The following TRIM34 variants were observed in gnomAD, a reference collection of about 807,000 sequenced individuals.
The protein encoded by TRIM34 is tripartite motif containing 34.
In TRIM34, 41 loss-of-function variants were observed where a neutral mutation model predicts 38.1. That is an observed-to-expected ratio of 1.08 (90% CI 0.84 to 1.40). The LOEUF (loss-of-function observed/expected upper bound fraction) is 1.40. Among genes scored for constraint, TRIM34 ranks in the 40% most tolerant of loss-of-function variants. TRIM34 has a pLI of 0.00. For synonymous variants in TRIM34, 200 were observed against 202.5 expected, an observed-to-expected ratio of 0.99 and a Z score of 0.10; for missense variants, 556 against 571.4, an observed-to-expected ratio of 0.97 and a Z score of 0.27.
chr11:5,631,752 C>A (rs567899991), intron 1 of TRIM34, among the ~76,000 whole-genome samples: 1 of 152,150 alleles, frequency 6.6e-6, no homozygotes, highest in African/African-American at 2.4e-5. Context: ...TGTGGAGAGA[C>A]AGGGAAGTTT....
Position 5,644,251 on chromosome 11 carries a change from C to A in TRIM34, c.*542C>A. The A allele has an allele frequency of 2.5e-6, 1 of 398,822 alleles. No individual in the cohort carries two copies. The highest frequency in any genetic ancestry group is 3.6e-5 in the East Asian group (1 of 28,074). The allele number at this position is 398,822 out of a possible 1,614,324, so 24.7% of individuals were successfully genotyped here. On this transcript the variant is annotated 3_prime_UTR_variant, in exon 8 of 8. Coordinates refer to ENST00000429814, the MANE Select transcript of TRIM34 (RefSeq NM_021616.6). The stretch of plus-strand genomic sequence containing the variant: ...GTTTTCTAATCATGATGAATACTTT[C>A]TCAGTTTCTTTTTCCTGAAATATAA...
chr11:5,622,718 AG>A (rs1849037163), upstream of TRIM34, among the ~76,000 whole-genome samples: 1 of 152,254 alleles, frequency 6.6e-6, no homozygotes, highest in Non-Finnish European at 1.5e-5. Context: ...TGATGGGCTA[AG>A]GTAATATACA....
At chr11:5,623,456 C>T (rs924572488), upstream of TRIM34, among the ~76,000 whole-genome samples, 4 of 151,894 alleles carry the variant, frequency 2.6e-5, no homozygotes, top group African/African-American at 9.7e-5. Flanking sequence ...CAACCTCCGC[C>T]TCCCGGGTTC....
upstream of TRIM34, among the ~76,000 whole-genome samples, chr11:5,623,091 A>C (rs919588189): frequency 7.2e-6 from 1 of 138,496 alleles, no homozygotes; most frequent in Non-Finnish European, 1.5e-5. Context: ...GGTGACTTTG[A>C]GTTCTGTCTG....
intron 1 of TRIM34, among the ~76,000 whole-genome samples, chr11:5,630,543 G>A (rs1014615981): frequency 3.9e-5 from 6 of 152,110 alleles, no homozygotes; most frequent in South Asian, 2.1e-4. Context: ...AAAAACTTTC[G>A]AACATGTTAT....
At position 5,632,727 on chromosome 11, in the gene TRIM34, C is replaced by T. The variant is rs370175152; in HGVS notation, c.396C>T (p.Leu132=). Residue 132 remains leucine, a synonymous_variant, in exon 2 of 8, where the codon CTC becomes CTT. Coordinates refer to ENST00000429814, the MANE Select transcript of TRIM34 (RefSeq NM_021616.6). ...AGCACCGTGGTCACCACACAGTCCT[C>T]ACGGAGGAAGTATTCAAGGAATGTC... ...SQEHRGHHTV[L]TEEVFKECQE... The T allele has an allele frequency of 5.6e-6, 9 of 1,607,594 alleles. No homozygotes were observed. The highest frequency in any genetic ancestry group is 2.2e-5 in the East Asian group (1 of 44,730).
At chr11:5,635,367 T>G (rs1318326378) in intron 4 of TRIM34, among the ~76,000 whole-genome samples, 3 of 151,556 alleles carry the variant, frequency 2.0e-5, no homozygotes, top group Non-Finnish European at 4.4e-5. Flanking sequence ...GCCATTCTCC[T>G]GCCCAGCATC....
At position 5,625,765 on chromosome 11, in the gene TRIM34, T is replaced by G. The variant is rs889112387; in HGVS notation, c.-78+705T>G. Among the ~76,000 whole-genome samples, 3 of 152,222 alleles carry G rather than the reference T, an allele frequency of 2.0e-5. No individual in the cohort carries two copies. In the East Asian group the frequency reaches 5.8e-4, roughly 29 times the overall value. On this transcript the variant is annotated intron_variant, in intron 1 of 7. Transcript: ENST00000429814. ...CCTGAACATACCTGTTTACTTTTAC[T>G]TCAGTAACCCATGTGCTACCAGCGT... is the stretch of plus-strand genomic sequence containing the variant.
chr11:5,628,281 A>C (rs942664467), intron 1 of TRIM34, among the ~76,000 whole-genome samples: 9 of 152,196 alleles, frequency 5.9e-5, no homozygotes, highest in African/African-American at 2.2e-4. Flanking sequence ...TATTGGTTGG[A>C]TACTGATTGG....
At chr11:5,641,249 A>G (rs1590186561) in intron 5 of TRIM34, 60 bp downstream of exon 5, 1 of 1,612,222 alleles carries the variant, frequency 6.2e-7, no homozygotes, top group East Asian at 2.2e-5. Flanking sequence ...TGTAGCTATT[A>G]GAGTTATTTG....
At chr11:5,637,582 T>A (rs979416067) in intron 4 of TRIM34, among the ~76,000 whole-genome samples, 3 of 152,094 alleles carry the variant, frequency 2.0e-5, no homozygotes, top group African/African-American at 7.2e-5. Flanking sequence ...TTATTTAAAA[T>A]TTTTTTTCCA....
intron 1 of TRIM34, 101 bp from the exon 2 acceptor site, chr11:5,632,154 T>C: frequency 6.8e-7 from 1 of 1,478,184 alleles, no homozygotes; most frequent in South Asian, 1.4e-5. Flanking sequence ...TCATCTTCTT[T>C]GTTCTTTGAT....
upstream of TRIM34, among the ~76,000 whole-genome samples, chr11:5,623,228 G>A (rs903193881): frequency 5.3e-5 from 8 of 151,154 alleles, no homozygotes; most frequent in Middle Eastern, 3.4e-3. Flanking sequence ...TTTGGGTCCC[G>A]AGATTTTCTT....
rs1364771522 is a variant in TRIM34, at chr11:5,634,612, C to G, written c.520-19C>G. On this transcript the variant is annotated intron_variant, in intron 3 of 7. Coordinates refer to ENST00000429814, the MANE Select transcript of TRIM34 (RefSeq NM_021616.6). ...AGCCTGACAAACTTACTACAACTCT[C>G]TCTTGTCCATCCTTGCAGTATCAGG... 1 of 1,604,626 alleles carries G rather than the reference C, an allele frequency of 6.2e-7. No individual in the cohort carries two copies.
At chr11:5,632,188 T>A (rs4601818) in intron 1 of TRIM34, 67 bp from the exon 2 acceptor site, 1,515,079 of 1,515,144 alleles carry the variant, frequency 1, 757,507 homozygotes, top group Middle Eastern at 1. Flanking sequence ...CCAGTCTTTA[T>A]TGTCTGTGCA....
chr11:5,641,458 C>G (rs74051052), intron 5 of TRIM34, among the ~76,000 whole-genome samples: 1 of 152,154 alleles, frequency 6.6e-6, no homozygotes, highest in African/African-American at 2.4e-5. Flanking sequence ...TGTCAGACTT[C>G]GGTGACTTCA....
At chr11:5,641,066 C>T (rs974440160) in intron 4 of TRIM34, 101 bp from the exon 5 acceptor site, 5 of 1,447,236 alleles carry the variant, frequency 3.5e-6, no homozygotes, top group Non-Finnish European at 4.6e-6. Context: ...ATATAACTCA[C>T]TTCTGATTTT....
chr11:5,624,884 C>T (rs1282007162), upstream of TRIM34: 1 of 152,326 alleles, frequency 6.6e-6, no homozygotes, highest in African/African-American at 2.4e-5. Context: ...GCTCCTTCCC[C>T]TTTTCTCTTC....
At chr11:5,627,041 C>T (rs1849275637) in intron 1 of TRIM34, among the ~76,000 whole-genome samples, 1 of 152,080 alleles carries the variant, frequency 6.6e-6, no homozygotes, top group African/African-American at 2.4e-5. Context: ...AAGGTGATCA[C>T]TCTGTCTACT....
Sources: gnomAD v4.1 joint callset for allele counts (sites outside exome capture counted in the v4.1 genomes callset) on GRCh38, gnomAD v4.1.1 for gene constraint, MANE v1.5 for transcripts, NCBI Gene and HGNC (gene_info 2026-07-23, HGNC 2026-07-21) for gene names.